Variants in CDH18 observed in about 807,000 individuals in gnomAD.
The protein encoded by CDH18 is cadherin-18.
CDH18 carries 31 observed loss-of-function variants against 67.9 expected under a neutral mutation model. The ratio of observed to expected loss-of-function variants is 0.46; its 90% CI spans 0.34 to 0.62. The LOEUF (loss-of-function observed/expected upper bound fraction) is 0.62, where lower values mean the gene tolerates loss of function less well. CDH18 is among the 20% of genes least tolerant of loss of function. The pLI is 0.01. For synonymous variants in CDH18, 362 were observed against 347.2 expected (o/e 1.04, Z -0.48); for missense variants, 890 against 975.5 (o/e 0.91, Z 1.17).
chr5:20,121,098 G>A (rs1748317188), intron 2 of CDH18, among the ~76,000 whole-genome samples: 1 of 152,142 alleles, frequency 6.6e-6, no homozygotes, highest in African/African-American at 2.4e-5. Context: ...TCTAAAGAGT[G>A]AAGTCAATTG....
At chr5:20,408,158 T>G (rs571207502) in intron 1 of CDH18, among the ~76,000 whole-genome samples, 1 of 151,764 alleles carries the variant, frequency 6.6e-6, no homozygotes, top group Non-Finnish European at 1.5e-5. Flanking sequence ...ACCAGCAAAA[T>G]TGTTCTTCAA....
At chr5:20,571,630 CAG>C (rs1261287174) in intron 1 of CDH18, among the ~76,000 whole-genome samples, 1 of 151,998 alleles carries the variant, frequency 6.6e-6, no homozygotes, top group African/African-American at 2.4e-5. Context: ...AATTTTCAAA[CAG>C]AGAAAAATAA....
chr5:19,602,860 G>A (rs1263755818), intron 6 of CDH18, among the ~76,000 whole-genome samples: 1 of 152,118 alleles, frequency 6.6e-6, no homozygotes, highest in Admixed American at 6.5e-5. Flanking sequence ...AGCTAATCAG[G>A]AGGCTGAGGC....
At chr5:19,980,110 T>C (rs1386594562) in intron 2 of CDH18, among the ~76,000 whole-genome samples, 1 of 152,084 alleles carries the variant, frequency 6.6e-6, no homozygotes, top group Non-Finnish European at 1.5e-5. Flanking sequence ...TCAGAAAAGT[T>C]CCAGATACAA....
At chr5:19,619,746 T>C (rs913724535) in intron 5 of CDH18, among the ~76,000 whole-genome samples, 1 of 152,218 alleles carries the variant, frequency 6.6e-6, no homozygotes, top group South Asian at 2.1e-4. Flanking sequence ...AACTTCCCTA[T>C]TTGTCAGTCA....
intron 5 of CDH18, among the ~76,000 whole-genome samples, chr5:19,666,177 C>T (rs1757892155): frequency 6.6e-6 from 1 of 151,080 alleles, no homozygotes; most frequent in East Asian, 1.9e-4. Context: ...TCAAGTGATC[C>T]TCCTTCCTCA....
At chr5:19,863,968 G>A (rs1012559876) in intron 2 of CDH18, among the ~76,000 whole-genome samples, 6 of 151,836 alleles carry the variant, frequency 4.0e-5, no homozygotes, top group South Asian at 2.1e-4. Flanking sequence ...AAGTCAGTGT[G>A]GTGATTCCTC....
At chr5:19,604,908 CATAA>C (rs1747785769) in intron 6 of CDH18, among the ~76,000 whole-genome samples, 1 of 151,726 alleles carries the variant, frequency 6.6e-6, no homozygotes, top group South Asian at 2.1e-4. Flanking sequence ...CACTCTTAAT[CATAA>C]ATAACACATA....
chr5:20,166,439 C>CA lies in CDH18; in HGVS notation c.-518+89004dup, dbSNP rs796889478. On this transcript the variant is annotated intron_variant, in intron 2 of 14. Coordinates refer to the CDH18 transcript ENST00000507958. The stretch of plus-strand genomic sequence containing the variant: ...TGGGCAACAGAGTGAGACTCTGTCT[C>CA]AAAAAAAAAAAAAAAGAAAAGAAAA... Among the ~76,000 whole-genome samples the CA allele has an allele frequency of 8.8e-4, 66 of 74,712 alleles. 1 individual carries two copies. Among genetic ancestry groups the CA allele is most frequent in the African/African-American group, 3.2e-3 (59 of 18,730 alleles). 49.0% of individuals were successfully genotyped at this position (74,712 alleles called of 152,430 possible).
At chr5:19,585,829 C>T (rs1408302826) in intron 7 of CDH18, among the ~76,000 whole-genome samples, 1 of 152,054 alleles carries the variant, frequency 6.6e-6, no homozygotes, top group Non-Finnish European at 1.5e-5. Flanking sequence ...ATTCTCTCTC[C>T]ACCTCATCAC....
chr5:19,828,230 A>G (rs1780621205), intron 3 of CDH18, among the ~76,000 whole-genome samples: 1 of 152,126 alleles, frequency 6.6e-6, no homozygotes, highest in African/African-American at 2.4e-5. Context: ...ATCAGTAATA[A>G]GAGTCTTACC....
chr5:20,368,083 G>GTGAA (rs1742668083), intron 1 of CDH18, among the ~76,000 whole-genome samples: 1 of 152,148 alleles, frequency 6.6e-6, no homozygotes, highest in African/African-American at 2.4e-5. Flanking sequence ...TGGGACTCCT[G>GTGAA]GGGTGAAATG....
At chr5:20,329,652 C>G (rs1738967072) in intron 1 of CDH18, among the ~76,000 whole-genome samples, 1 of 151,674 alleles carries the variant, frequency 6.6e-6, no homozygotes, top group Non-Finnish European at 1.5e-5. Flanking sequence ...CATCTGTAAT[C>G]CCAGCTACTT....
intron 1 of CDH18, among the ~76,000 whole-genome samples, chr5:20,428,819 T>A (rs1221362603): frequency 2.0e-5 from 3 of 152,070 alleles, no homozygotes; most frequent in African/African-American, 7.2e-5. Flanking sequence ...TTAGTGGCAT[T>A]TTTTTCTCAG....
intron 2 of CDH18, among the ~76,000 whole-genome samples, chr5:20,106,662 T>G (rs199852817): frequency 6.6e-6 from 1 of 152,234 alleles, no homozygotes; most frequent in Non-Finnish European, 1.5e-5. Flanking sequence ...TTGTGGTGGT[T>G]GTTGTTATTT....
intron 2 of CDH18, among the ~76,000 whole-genome samples, chr5:20,122,458 C>T (rs549283749): frequency 4.6e-5 from 7 of 152,152 alleles, no homozygotes; most frequent in Admixed American, 2.6e-4. Flanking sequence ...AAAACAGATA[C>T]GTTGCCTAAA....
intron 2 of CDH18, among the ~76,000 whole-genome samples, chr5:20,190,215 G>T (rs999165972): frequency 6.6e-6 from 1 of 152,020 alleles, no homozygotes; most frequent in Non-Finnish European, 1.5e-5. Flanking sequence ...AAACACCAGC[G>T]TGTGGGCATC....
chr5:20,223,884 T>C lies in CDH18; in HGVS notation c.-518+31560A>G, dbSNP rs540718128. On this transcript the variant is annotated intron_variant, in intron 2 of 14. Transcript: ENST00000507958. Reference sequence around the variant, plus strand: ...TGAAGCCTCGCAAGCCATATGGAACTGTGAGTTAATTAAACATCTTTCCTT... The same window carrying C: ...TGAAGCCTCGCAAGCCATATGGAACCGTGAGTTAATTAAACATCTTTCCTT... 1.7e-3 allele frequency among the ~76,000 whole-genome samples: 262 copies of C among 152,256 alleles called. 2 individuals are homozygous for C. Among genetic ancestry groups the C allele is most frequent in the Middle Eastern group, 6.8e-3 (2 of 294 alleles).
At chr5:20,534,829 G>GTATT (rs3039357) in intron 1 of CDH18, among the ~76,000 whole-genome samples, 80,384 of 147,942 alleles carry the variant, frequency 0.54, 25,026 homozygotes, top group East Asian at 0.93. Context: ...CTAAATACAT[G>GTATT]TATTTATTTA....
Sources: gnomAD v4.1 joint callset for allele counts (sites outside exome capture counted in the v4.1 genomes callset) on GRCh38, gnomAD v4.1.1 for gene constraint, MANE v1.5 for transcripts, NCBI Gene and HGNC (gene_info 2026-07-23, HGNC 2026-07-21) for gene names.